Variants in SYNE1 observed in about 807,000 individuals in gnomAD.
SYNE1 encodes the protein nesprin-1.
SYNE1 carries 616 observed loss-of-function variants against 1,111.0 expected under a neutral mutation model. The ratio of observed to expected loss-of-function variants is 0.55; its 90% CI spans 0.52 to 0.59. The LOEUF is 0.59. Ranked by LOEUF, SYNE1 falls within the 20% of genes least tolerant of loss-of-function variation. The pLI is 0.00. For synonymous variants in SYNE1, 3,855 were observed against 3,825.8 expected, an observed-to-expected ratio of 1.01 and a Z score of -0.28; for missense variants, 10,006 against 10,417.0, an observed-to-expected ratio of 0.96 and a Z score of 1.72.
intron 107 of SYNE1, among the ~76,000 whole-genome samples, chr6:152,239,989 C>T (rs1475636961): frequency 6.6e-6 from 1 of 152,138 alleles, no homozygotes; most frequent in Non-Finnish European, 1.5e-5. Flanking sequence ...ACCTGGGAGG[C>T]CGAGGTTGCA....
intron 43 of SYNE1, 32 bp from the exon 44 acceptor site, chr6:152,409,258 TAGTC>T (rs760043947): frequency 1.9e-5 from 30 of 1,600,496 alleles, no homozygotes; most frequent in Admixed American, 1.3e-4. Flanking sequence ...ATTAATAAAA[TAGTC>T]AGTGATAAGT....
At chr6:152,412,323 C>G (rs1413780895) in intron 42 of SYNE1, among the ~76,000 whole-genome samples, 1 of 151,556 alleles carries the variant, frequency 6.6e-6, no homozygotes, top group East Asian at 1.9e-4. Context: ...ACTCGGGAGG[C>G]TGAGGCAGGA....
At chr6:152,408,021 C>T (rs190362662) in intron 44 of SYNE1, among the ~76,000 whole-genome samples, 20 of 152,136 alleles carry the variant, frequency 1.3e-4, no homozygotes, top group Non-Finnish European at 2.2e-4. Flanking sequence ...CCTCGGTCTC[C>T]CAAAGTGCTG....
rs1159424311 is a variant in SYNE1 at position 152,188,957 on chromosome 6, CAAAAAAAA to C, written c.23301+287_23301+294del. Among the ~76,000 whole-genome samples, 53 of 49,052 alleles carry C rather than the reference CAAAAAAAA, an allele frequency of 1.1e-3. 1 individual carries two copies. Among genetic ancestry groups the C allele is most frequent in the African/African-American group, 3.9e-3 (48 of 12,238 alleles). The allele number at this position is 49,052 out of a possible 152,430, so 32.2% of individuals were successfully genotyped here. On this transcript the variant is annotated intron_variant, in intron 128 of 145. Transcript: ENST00000367255. ...TGGGCAAAAGAGTGAGACTCTGTCT[CAAAAAAAA>C]AAAAAAAAAAAAAAAAAAAATATAT... is the stretch of plus-strand genomic sequence containing the variant.
chr6:152,554,776 TTCTTAAACATCA>T (rs1777489733), intron 3 of SYNE1, among the ~76,000 whole-genome samples: 1 of 152,184 alleles, frequency 6.6e-6, no homozygotes, highest in African/African-American at 2.4e-5. Flanking sequence ...ATTTTTCCAG[TTCTTAAACATCA>T]TCACCCAAGA....
intron 127 of SYNE1, among the ~76,000 whole-genome samples, chr6:152,193,601 A>C (rs1395246304): frequency 6.6e-6 from 1 of 152,178 alleles, no homozygotes; most frequent in East Asian, 1.9e-4. Flanking sequence ...TACAGGTGTG[A>C]GCCACCATGC....
chr6:152,201,745 G>C, intron 127 of SYNE1, 79 bp downstream of exon 127: 2 of 1,606,420 alleles, frequency 1.2e-6, no homozygotes, highest in Non-Finnish European at 1.7e-6. Flanking sequence ...TAACCTAAGA[G>C]TTTGACTGGA....
At chr6:152,520,125 A>C (rs1029720020) in intron 6 of SYNE1, among the ~76,000 whole-genome samples, 3 of 152,190 alleles carry the variant, frequency 2.0e-5, no homozygotes, top group Non-Finnish European at 4.4e-5. Context: ...CCTGGAACAG[A>C]CACAGACAAT....
intron 101 of SYNE1, 102 bp from the exon 102 acceptor site, chr6:152,256,867 T>C (rs1429400437): frequency 1.3e-6 from 2 of 1,548,698 alleles, no homozygotes; most frequent in Non-Finnish European, 1.8e-6. Context: ...ACACTGTCCA[T>C]ATGAAAATTT....
chr6:152,275,307 T>G (rs1312678708), intron 98 of SYNE1, among the ~76,000 whole-genome samples: 1 of 152,084 alleles, frequency 6.6e-6, no homozygotes, highest in Non-Finnish European at 1.5e-5. Flanking sequence ...ATACATTGAG[T>G]ACCTTGCAGA....
intron 6 of SYNE1, among the ~76,000 whole-genome samples, chr6:152,512,005 C>A (rs1282119766): frequency 2.0e-5 from 3 of 152,112 alleles, no homozygotes; most frequent in African/African-American, 7.2e-5. Flanking sequence ...TAATAAAGTA[C>A]CCTTCAGACC....
intron 80 of SYNE1, 30 bp downstream of exon 80, chr6:152,325,928 G>A: frequency 6.2e-7 from 1 of 1,613,506 alleles, no homozygotes; most frequent in South Asian, 1.1e-5. Flanking sequence ...ATAGAAAAAG[G>A]ATTTTTTTTA....
chr6:152,447,700 A>G (rs2098604666), intron 28 of SYNE1, 78 bp from the exon 29 acceptor site: 6 of 1,580,216 alleles, frequency 3.8e-6, no homozygotes, highest in African/African-American at 2.7e-5. Flanking sequence ...GACTCAGCCT[A>G]AAAAGGTTTG....
Position 152,449,634 on chromosome 6 carries a change from C to G in SYNE1, c.3403G>C (p.Glu1135Gln), listed in dbSNP as rs775363833. 1 of 1,611,596 alleles carries G rather than the reference C, an allele frequency of 6.2e-7. No individual in the cohort carries two copies. The highest frequency in any genetic ancestry group is 8.5e-7 in the Non-Finnish European group (1 of 1,177,756). The change falls in exon 28 of 146, where the codon GAG becomes CAG. Residue 1135 changes from glutamate (E) to glutamine (Q), a missense_variant. This residue lies in a region of SYNE1 where 1,971 missense variants were observed against 2,084.1 expected (regional missense o/e 0.95). Transcript: ENST00000367255. ...TTTGTAGATATCCAAGATGAGAACTCAGAGAATCTGAAATAACATAAGCAC... is the reference window on the plus strand; with the variant it reads ...TTTGTAGATATCCAAGATGAGAACTGAGAGAATCTGAAATAACATAAGCAC... ...KWKDYTSRFSEFSSWISTNET... is the reference protein window; with the variant it reads ...KWKDYTSRFSQFSSWISTNET...
At chr6:152,500,738 A>G (rs2099025061) in intron 10 of SYNE1, among the ~76,000 whole-genome samples, 1 of 151,970 alleles carries the variant, frequency 6.6e-6, no homozygotes, top group South Asian at 2.1e-4. Flanking sequence ...TCATGAGGTT[A>G]GGAGATCAAG....
At chr6:152,348,031 C>T (rs889661305) in intron 72 of SYNE1, among the ~76,000 whole-genome samples, 1 of 151,840 alleles carries the variant, frequency 6.6e-6, no homozygotes, top group Non-Finnish European at 1.5e-5. Flanking sequence ...TACTTTTGCA[C>T]GAATATAATA....
Position 152,407,078 on chromosome 6 carries a change from A to G in SYNE1, c.6659T>C (p.Met2220Thr). ...ATCCAGGTTGCTGATGTTTTCTGCC[A>G]TCTGTGGAACGCAGTTGTTTGACCA... Reference protein sequence around the residue: ...EGWSNNCVPQMAENISNLDNH... With the variant: ...EGWSNNCVPQTAENISNLDNH... The change falls in exon 45 of 146, where the codon ATG becomes ACG. Residue 2220 changes from methionine to threonine, a missense_variant. Physicochemically the swap from Met to Thr is moderately conservative, Grantham distance 81. Around this residue, in one of 7 missense-constraint regions of SYNE1, gnomAD observed 4,955 missense variants for 5,017.2 expected, o/e 0.99. Coordinates refer to ENST00000367255, the MANE Select transcript of SYNE1 (RefSeq NM_182961.4). 2 of 1,613,924 alleles carry G rather than the reference A, an allele frequency of 1.2e-6. No homozygotes were observed. Among genetic ancestry groups the G allele is most frequent in the South Asian group, 2.2e-5 (2 of 91,070 alleles).
At chr6:152,435,741 T>C (rs1330319381) in intron 33 of SYNE1, 200 bp downstream of exon 33, 13 of 636,332 alleles carry the variant, frequency 2.0e-5, no homozygotes, top group Non-Finnish European at 2.7e-5. Context: ...CCACATCCTT[T>C]ATATTTTTTG....
At chr6:152,496,027 A>T in intron 11 of SYNE1, among the ~76,000 whole-genome samples, 1 of 152,054 alleles carries the variant, frequency 6.6e-6, no homozygotes, top group East Asian at 1.9e-4. Flanking sequence ...TTCACTTTGC[A>T]TTTCCAGTGT....
Sources: allele counts gnomAD v4.1 joint callset (sites outside exome capture counted in the v4.1 genomes callset), GRCh38; gene constraint gnomAD v4.1.1; regional missense constraint gnomAD v4.1.1; transcripts MANE v1.5; gene names NCBI Gene and HGNC (gene_info 2026-07-23, HGNC 2026-07-21).